Variants in RBM20 observed in about 807,000 individuals in gnomAD.
RBM20 encodes the protein RNA-binding protein 20.
Under a neutral mutation model 110.1 loss-of-function variants are expected in RBM20, and 51 were observed. That is an observed-to-expected ratio of 0.46 (90% confidence interval 0.37 to 0.59). The LOEUF (loss-of-function observed/expected upper bound fraction) is 0.59. RBM20 is among the 20% of genes least tolerant of loss of function. The pLI, the probability that RBM20 is intolerant of heterozygous loss-of-function variation, is 0.00. For missense variants in RBM20, 1,512 were observed against 1,574.9 expected (o/e 0.96, Z 0.68); for synonymous variants, 589 against 618.2 (o/e 0.95, Z 0.70).
At chr10:110,661,067 C>A (rs1484138638) in intron 1 of RBM20, among the ~76,000 whole-genome samples, 1 of 152,162 alleles carries the variant, frequency 6.6e-6, no homozygotes, top group East Asian at 1.9e-4. Context: ...AGGAGCAATT[C>A]CTGACACCTG....
upstream of RBM20, among the ~76,000 whole-genome samples, chr10:110,643,505 C>T (rs1590590004): frequency 6.6e-6 from 1 of 152,354 alleles, no homozygotes; most frequent in East Asian, 1.9e-4. Context: ...GAGGGCGTGA[C>T]GGTGACCGTA....
intron 1 of RBM20, among the ~76,000 whole-genome samples, chr10:110,776,623 C>T (rs149359999): frequency 7.2e-4 from 110 of 152,340 alleles, no homozygotes; most frequent in African/African-American, 2.5e-3. Context: ...TCTGATCCTC[C>T]TGCTTCCGTC....
intron 1 of RBM20, among the ~76,000 whole-genome samples, chr10:110,754,164 G>T (rs1251106077): frequency 6.6e-6 from 1 of 152,154 alleles, no homozygotes; most frequent in African/African-American, 2.4e-5. Context: ...GCGTATTAAA[G>T]ATATTATTCC....
intron 1 of RBM20, among the ~76,000 whole-genome samples, chr10:110,715,862 A>G (rs1863007864): frequency 6.6e-6 from 1 of 152,200 alleles, no homozygotes; most frequent in South Asian, 2.1e-4. Flanking sequence ...GTCTACTCAC[A>G]GCCCATTGGC....
At chr10:110,753,837 T>C (rs2134990611) in intron 1 of RBM20, among the ~76,000 whole-genome samples, 1 of 152,320 alleles carries the variant, frequency 6.6e-6, no homozygotes, top group African/African-American at 2.4e-5. Context: ...CATTGCTTGA[T>C]TCATGGCCCC....
chr10:110,806,841 CT>C (rs1352227456), intron 7 of RBM20, among the ~76,000 whole-genome samples: 1 of 152,154 alleles, frequency 6.6e-6, no homozygotes, highest in East Asian at 1.9e-4. Flanking sequence ...TTTGTTTCAC[CT>C]GCCTTCTTTA....
chr10:110,702,896 G>A (rs149824318), intron 1 of RBM20, among the ~76,000 whole-genome samples: 178 of 152,048 alleles, frequency 1.2e-3, no homozygotes, highest in Middle Eastern at 6.8e-3. Context: ...TAACCTTTAA[G>A]TACTTAAAAT....
chr10:110,814,752 C>T (rs767557270), intron 9 of RBM20, among the ~76,000 whole-genome samples: 19 of 152,214 alleles, frequency 1.2e-4, no homozygotes, highest in Non-Finnish European at 7.3e-5. Flanking sequence ...CCTTGGCCTC[C>T]CAAAGTGCTG....
chr10:110,643,414 G>T (rs984906104), upstream of RBM20, among the ~76,000 whole-genome samples: 16 of 152,256 alleles, frequency 1.1e-4, no homozygotes, highest in African/African-American at 3.6e-4. Flanking sequence ...AAGGCCGCAG[G>T]ATGTCCGCGT....
intron 1 of RBM20, among the ~76,000 whole-genome samples, chr10:110,757,347 A>G (rs1018173135): frequency 2.6e-5 from 4 of 152,180 alleles, no homozygotes; most frequent in African/African-American, 7.2e-5. Context: ...TTATATCTTT[A>G]TACTCCCTGA....
At chr10:110,689,479 A>C (rs535069735) in intron 1 of RBM20, among the ~76,000 whole-genome samples, 1 of 152,342 alleles carries the variant, frequency 6.6e-6, no homozygotes, top group South Asian at 2.1e-4. Flanking sequence ...TTTCAGCTCT[A>C]TTGGCCGGAG....
chr10:110,784,946 T>C, intron 5 of RBM20, 57 bp downstream of exon 5: 1 of 1,176,868 alleles, frequency 8.5e-7, no homozygotes, highest in Non-Finnish European at 1.2e-6. Flanking sequence ...AGTTTATTTA[T>C]TTGTTTGTTT....
In RBM20 at chr10:110,695,101, T is replaced by C. The variant is rs186943806; in HGVS notation, c.191+50456T>C. On this transcript the variant is annotated intron_variant, in intron 1 of 13. Transcript: ENST00000369519. The stretch of plus-strand genomic sequence containing the variant: ...CACAGGATTGATTTTTGTTACGATA[T>C]CGTCAGGCAGTGAGTGAGATGACAT... Among the ~76,000 whole-genome samples, 7 of 152,320 alleles carry C rather than the reference T, an allele frequency of 4.6e-5. 1 individual carries two copies. The highest frequency in any genetic ancestry group is 3.9e-4 in the Admixed American group (6 of 15,308).
intron 12 of RBM20, among the ~76,000 whole-genome samples, chr10:110,824,692 C>T (rs1349798273): frequency 6.6e-6 from 1 of 152,088 alleles, no homozygotes; most frequent in Non-Finnish European, 1.5e-5. Context: ...AGAAAGTTCC[C>T]TGGGAGATTC....
chr10:110,820,592 T>C (rs1254626837), intron 10 of RBM20, among the ~76,000 whole-genome samples: 1 of 152,224 alleles, frequency 6.6e-6, no homozygotes, highest in Non-Finnish European at 1.5e-5. Context: ...TCTACTGTGC[T>C]TGTATAGATT....
chr10:110,727,406 T>TAAAAAAA (rs61577173), intron 1 of RBM20, among the ~76,000 whole-genome samples: 2,970 of 78,168 alleles, frequency 0.038, 92 homozygotes, highest in African/African-American at 0.12. Flanking sequence ...TCTCAAAAAA[T>TAAAAAAA]AAAAATAAAA....
At chr10:110,716,575 T>A (rs951242637) in intron 1 of RBM20, among the ~76,000 whole-genome samples, 4 of 152,154 alleles carry the variant, frequency 2.6e-5, no homozygotes, top group African/African-American at 7.2e-5. Flanking sequence ...ACAGTGGGTA[T>A]TTCAGTATGC....
intron 1 of RBM20, among the ~76,000 whole-genome samples, chr10:110,711,878 C>CT (rs199768009): frequency 7.9e-5 from 12 of 151,596 alleles, no homozygotes; most frequent in Admixed American, 3.3e-4. Flanking sequence ...GGATTGTATC[C>CT]TTTTTTTTTC....
At chr10:110,771,270 C>T (rs1406743130) in intron 1 of RBM20, among the ~76,000 whole-genome samples, 5 of 152,008 alleles carry the variant, frequency 3.3e-5, no homozygotes, top group East Asian at 1.9e-4. Context: ...GGACTACAGG[C>T]GCGCACCACT....
Sources: gnomAD v4.1 joint callset for allele counts (sites outside exome capture counted in the v4.1 genomes callset) on GRCh38, gnomAD v4.1.1 for gene constraint, MANE v1.5 for transcripts, NCBI Gene and HGNC (gene_info 2026-07-23, HGNC 2026-07-21) for gene names.